FOXK2: variants seen among roughly 807,000 people sequenced by gnomAD.
The protein encoded by FOXK2 is forkhead box protein K2.
A neutral mutation model predicts 53.3 loss-of-function variants in FOXK2; 24 were observed. That is an observed-to-expected ratio of 0.45 (90% CI 0.33 to 0.63). The LOEUF is 0.63. Among genes scored for constraint, FOXK2 ranks in the 30% least tolerant of loss-of-function variants. The pLI is 0.03. For synonymous variants in FOXK2, 505 were observed against 407.1 expected (o/e 1.24, Z -2.89); for missense variants, 952 against 910.5 (o/e 1.05, Z -0.59).
intron 8 of FOXK2, among the ~76,000 whole-genome samples, chr17:82,597,698 T>C (rs1431619856): frequency 1.3e-5 from 2 of 152,170 alleles, no homozygotes; most frequent in African/African-American, 2.4e-5. Flanking sequence ...TTGCCCAGGC[T>C]GGAATGCAGT....
At chr17:82,553,314 G>T (rs373489186) in intron 1 of FOXK2, among the ~76,000 whole-genome samples, 1 of 152,226 alleles carries the variant, frequency 6.6e-6, no homozygotes, top group African/African-American at 2.4e-5. Flanking sequence ...TCTGTGTCAC[G>T]GCAGAAAAGG....
chr17:82,568,926 A>G (rs900593073), intron 3 of FOXK2, among the ~76,000 whole-genome samples: 1 of 152,150 alleles, frequency 6.6e-6, no homozygotes, highest in Non-Finnish European at 1.5e-5. Flanking sequence ...CGGGAGAATC[A>G]CTTGAACCCC....
Position 82,585,429 on chromosome 17 carries a change from A to G in FOXK2, c.1280-475A>G, listed in dbSNP as rs112978177. ...AGTCTCCACCTTCCAGGCTCAAGCA[A>G]TCCGCCCTCCTCAGTCTCCTAAATA... On this transcript the variant is annotated intron_variant, in intron 6 of 8. Coordinates refer to ENST00000335255, the MANE Select transcript of FOXK2 (RefSeq NM_004514.4). Among the ~76,000 whole-genome samples the G allele has an allele frequency of 3.1e-3, 474 of 152,082 alleles. 1 individual carries two copies. Among genetic ancestry groups the G allele is most frequent in the African/African-American group, 0.011 (455 of 41,482 alleles).
chr17:82,596,324 C>A, intron 8 of FOXK2: 1 of 578,960 alleles, frequency 1.7e-6, no homozygotes, highest in Non-Finnish European at 2.2e-6. Context: ...TGCTTGTTCC[C>A]TTCTCATCGT....
intron 1 of FOXK2, among the ~76,000 whole-genome samples, chr17:82,558,742 C>T (rs2044759070): frequency 1.3e-5 from 2 of 152,088 alleles, no homozygotes; most frequent in African/African-American, 4.8e-5. Context: ...GGGAAGAAGT[C>T]ACTGTTCACA....
rs1415908302 is a variant in FOXK2 at position 82,520,224 on chromosome 17, C to T, written c.336C>T (p.Tyr112=). Reference sequence around the variant, plus strand: ...GGCCCGACGCCGGCGGCGACTTCTACCTGCGCTGCTTGGGCAAGAACGGGG... The same window carrying T: ...GGCCCGACGCCGGCGGCGACTTCTATCTGCGCTGCTTGGGCAAGAACGGGG... ...QPRPDAGGDF[Y]LRCLGKNGVF... is the part of the protein sequence containing the mutation. The change falls in exon 1 of 9, where the codon TAC becomes TAT. Residue 112 remains tyrosine (Y), a synonymous_variant. Transcript: ENST00000335255. The T allele has an allele frequency of 8.3e-6, 11 of 1,323,224 alleles. No homozygotes were observed. The highest frequency in any genetic ancestry group is 2.6e-4 in the Middle Eastern group (1 of 3,918). The allele number at this position is 1,323,224 out of a possible 1,614,324, so 82.0% of individuals were successfully genotyped here.
chr17:82,577,469 G>C, intron 4 of FOXK2: 1 of 340,518 alleles, frequency 2.9e-6, no homozygotes, highest in Non-Finnish European at 5.4e-6. Flanking sequence ...GCCGGGTTAA[G>C]GTCTCGCAGC....
At chr17:82,565,439 G>A (rs78072821) in intron 2 of FOXK2, among the ~76,000 whole-genome samples, 3,294 of 152,286 alleles carry the variant, frequency 0.022, 54 homozygotes, top group Middle Eastern at 0.048. Context: ...TTAATATCCA[G>A]ATTATAGAGA....
chr17:82,567,108 T>TC (rs571821188), intron 2 of FOXK2, among the ~76,000 whole-genome samples: 1 of 151,630 alleles, frequency 6.6e-6, no homozygotes, highest in African/African-American at 2.4e-5. Context: ...CTTTCCCTCC[T>TC]CCCCCCCACC....
At chr17:82,560,943 A>G (rs1400742576) in intron 1 of FOXK2, among the ~76,000 whole-genome samples, 1 of 152,054 alleles carries the variant, frequency 6.6e-6, no homozygotes, top group Non-Finnish European at 1.5e-5. Context: ...CCTGGGTCAT[A>G]GGGGTCTTTG....
In FOXK2 at chr17:82,557,038, AT is replaced by A. The variant is rs555051985; in HGVS notation, c.420-6306del. Among the ~76,000 whole-genome samples, 758 of 141,560 alleles carry A rather than the reference AT, an allele frequency of 5.4e-3. 5 individuals carry two copies. Among genetic ancestry groups the A allele is most frequent in the African/African-American group, 0.018 (714 of 38,714 alleles). The allele number at this position is 141,560 out of a possible 152,430, so 92.9% of individuals were successfully genotyped here. A position where few individuals can be genotyped will look rare whatever the true frequency, so the allele number is the denominator to read the frequency against. ...TTTTATTTTATTATTATTATTTTTT[AT>A]TTTTTTTTTGAGACAGAGTTGCTCT... On this transcript the variant is annotated intron_variant, in intron 1 of 8. Coordinates refer to ENST00000335255, the MANE Select transcript of FOXK2 (RefSeq NM_004514.4).
Position 82,534,752 on chromosome 17 carries a change from G to T in FOXK2, c.419+14445G>T, listed in dbSNP as rs539460413. Among the ~76,000 whole-genome samples the T allele has an allele frequency of 1.2e-3, 188 of 152,304 alleles. 1 individual carries two copies. Among genetic ancestry groups the T allele is most frequent in the African/African-American group, 4.3e-3 (178 of 41,574 alleles). On this transcript the variant is annotated intron_variant, in intron 1 of 8. Coordinates refer to ENST00000335255, the MANE Select transcript of FOXK2 (RefSeq NM_004514.4). ...TCCTCTTACAGATGGTAACGAACTC[G>T]TTGAAACATGTCCCCAGAAGTAATA...
At chr17:82,523,830 TC>T (rs1672303753) in intron 1 of FOXK2, among the ~76,000 whole-genome samples, 2 of 152,170 alleles carry the variant, frequency 1.3e-5, no homozygotes, top group Admixed American at 1.3e-4. Flanking sequence ...TGATACAAGT[TC>T]TTTTTAAGTT....
At chr17:82,554,179 G>T (rs2044702293) in intron 1 of FOXK2, among the ~76,000 whole-genome samples, 1 of 152,140 alleles carries the variant, frequency 6.6e-6, no homozygotes, top group Non-Finnish European at 1.5e-5. Flanking sequence ...TGACAAATCG[G>T]CTAGTTGGTT....
intron 4 of FOXK2, among the ~76,000 whole-genome samples, chr17:82,573,562 T>TCACACA (rs1019671658): frequency 1.8e-3 from 151 of 83,360 alleles, no homozygotes; most frequent in Middle Eastern, 5.4e-3. Flanking sequence ...TCTCTCTCTC[T>TCACACA]CACACACACA....
chr17:82,536,097 C>T (rs2044518095), intron 1 of FOXK2, among the ~76,000 whole-genome samples: 1 of 151,964 alleles, frequency 6.6e-6, no homozygotes, highest in Non-Finnish European at 1.5e-5. Flanking sequence ...AGGCTGGTCT[C>T]AAACTCCTCA....
At chr17:82,580,213 GC>G in intron 4 of FOXK2, among the ~76,000 whole-genome samples, 1 of 139,844 alleles carries the variant, frequency 7.2e-6, no homozygotes, top group African/African-American at 2.7e-5. Flanking sequence ...CCCACACATG[GC>G]CCAGCCCACC....
chr17:82,553,233 G>C (rs1001702466), intron 1 of FOXK2, among the ~76,000 whole-genome samples: 2 of 152,254 alleles, frequency 1.3e-5, no homozygotes, highest in African/African-American at 4.8e-5. Context: ...ACCGTGCCCA[G>C]CCAGACTTGT....
chr17:82,573,828 G>C (rs917695996), intron 4 of FOXK2, among the ~76,000 whole-genome samples: 1 of 152,234 alleles, frequency 6.6e-6, no homozygotes, highest in Non-Finnish European at 1.5e-5. Context: ...GTATTTCTGT[G>C]TGTTTTTTCT....
Sources: gnomAD v4.1 joint callset for allele counts (sites outside exome capture counted in the v4.1 genomes callset) on GRCh38, gnomAD v4.1.1 for gene constraint, MANE v1.5 for transcripts, NCBI Gene and HGNC (gene_info 2026-07-23, HGNC 2026-07-21) for gene names.